The following STPG2 variants were observed in gnomAD, a reference collection of about 807,000 sequenced individuals.
The protein encoded by STPG2 is sperm-tail PG-rich repeat-containing protein 2.
Under a neutral mutation model 54.2 loss-of-function variants are expected in STPG2, and 56 were observed. That is an observed-to-expected ratio of 1.03 (90% confidence interval 0.83 to 1.29). The LOEUF (loss-of-function observed/expected upper bound fraction) is 1.29. STPG2 is among the 50% of genes most tolerant of loss of function. The probability of loss-of-function intolerance (pLI) is 0.00; values close to 1 mark genes in which losing one functional copy is unlikely to be tolerated. For synonymous variants in STPG2, 200 were observed against 181.8 expected (o/e 1.10, Z -0.81); for missense variants, 596 against 544.9 (o/e 1.09, Z -0.93).
At chr4:97,953,146 C>T (rs951712456) in intron 7 of STPG2, among the ~76,000 whole-genome samples, 2 of 152,154 alleles carry the variant, frequency 1.3e-5, no homozygotes, top group African/African-American at 4.8e-5. Flanking sequence ...TCTGACTCTA[C>T]CCATGCAGGG....
intron 5 of STPG2, among the ~76,000 whole-genome samples, chr4:98,043,972 GTTC>G (rs2149309061): frequency 6.6e-6 from 1 of 151,918 alleles, no homozygotes; most frequent in African/African-American, 2.4e-5. Flanking sequence ...CCTTCTTTGT[GTTC>G]ATGAGTTCTC....
chr4:97,874,422 A>G (rs1730103115), intron 8 of STPG2, among the ~76,000 whole-genome samples: 2 of 151,734 alleles, frequency 1.3e-5, no homozygotes, highest in Admixed American at 6.6e-5. Flanking sequence ...AAGTTTTGAC[A>G]TATGTCACAT....
chr4:97,945,197 C>T (rs1026141096), intron 7 of STPG2, among the ~76,000 whole-genome samples: 1 of 151,858 alleles, frequency 6.6e-6, no homozygotes, highest in Non-Finnish European at 1.5e-5. Context: ...GTTTTTTATC[C>T]CCCTATTCTC....
At chr4:97,854,160 C>A (rs1271941805) in intron 8 of STPG2, among the ~76,000 whole-genome samples, 1 of 152,172 alleles carries the variant, frequency 6.6e-6, no homozygotes, top group African/African-American at 2.4e-5. Context: ...ATCAGCCTAA[C>A]AACAAACATT....
intron 4 of STPG2, among the ~76,000 whole-genome samples, chr4:97,485,512 C>T (rs941419851): frequency 1.5e-4 from 22 of 151,664 alleles, no homozygotes; most frequent in African/African-American, 5.1e-4. Flanking sequence ...AGGCAAAAGA[C>T]CTCTACAATG....
At chr4:97,607,928 G>T (rs1163566115) in intron 10 of STPG2, among the ~76,000 whole-genome samples, 1 of 152,014 alleles carries the variant, frequency 6.6e-6, no homozygotes, top group Non-Finnish European at 1.5e-5. Flanking sequence ...TTATACACCT[G>T]TCAGCCCAGA....
intron 4 of STPG2, among the ~76,000 whole-genome samples, chr4:97,542,476 G>C (rs1731736662): frequency 6.6e-6 from 1 of 152,178 alleles, no homozygotes; most frequent in African/African-American, 2.4e-5. Context: ...AACAACAGGT[G>C]CTGGAGAGGA....
At chr4:97,807,842 A>G (rs1363364073) in intron 9 of STPG2, among the ~76,000 whole-genome samples, 1 of 152,048 alleles carries the variant, frequency 6.6e-6, no homozygotes, top group Non-Finnish European at 1.5e-5. Flanking sequence ...ATAGCTAGGT[A>G]CATCATAGTA....
At chr4:97,469,262 ATACAT>A (rs1729866656) in intron 4 of STPG2, among the ~76,000 whole-genome samples, 1 of 152,152 alleles carries the variant, frequency 6.6e-6, no homozygotes. Flanking sequence ...ATGCATGTTA[ATACAT>A]TAAAGAACTG....
At chr4:97,880,692 A>T (rs1021877800) in intron 8 of STPG2, among the ~76,000 whole-genome samples, 1 of 152,086 alleles carries the variant, frequency 6.6e-6, no homozygotes, top group African/African-American at 2.4e-5. Flanking sequence ...CAAATTACCC[A>T]CTTCAGCTAA....
intron 4 of STPG2, among the ~76,000 whole-genome samples, chr4:98,108,730 G>C (rs1739257702): frequency 6.6e-6 from 1 of 152,082 alleles, no homozygotes; most frequent in Non-Finnish European, 1.5e-5. Flanking sequence ...TCTTGAACAT[G>C]TTATTTATCC....
intron 9 of STPG2, among the ~76,000 whole-genome samples, chr4:97,734,923 A>T (rs1373180131): frequency 6.6e-6 from 1 of 152,080 alleles, no homozygotes; most frequent in Non-Finnish European, 1.5e-5. Flanking sequence ...ATACAAAAAA[A>T]TTAGCTGGGC....
At chr4:97,629,146 T>G (rs1263136003) in intron 10 of STPG2, among the ~76,000 whole-genome samples, 2 of 151,990 alleles carry the variant, frequency 1.3e-5, no homozygotes, top group African/African-American at 2.4e-5. Context: ...GGAGACAGAA[T>G]TTTCCAATAA....
intron 5 of STPG2, among the ~76,000 whole-genome samples, chr4:97,984,885 G>A (rs1734784076): frequency 6.6e-6 from 1 of 152,126 alleles, no homozygotes; most frequent in Non-Finnish European, 1.5e-5. Context: ...ATTGGGTCTT[G>A]CAAGCCAGTA....
At chr4:97,487,920 T>C (rs1730407534) in intron 4 of STPG2, among the ~76,000 whole-genome samples, 1 of 151,516 alleles carries the variant, frequency 6.6e-6, no homozygotes, top group African/African-American at 2.4e-5. Flanking sequence ...TTTAATTATA[T>C]AATATTTCAA....
chr4:97,760,850 C>A (rs1291176067), intron 9 of STPG2, among the ~76,000 whole-genome samples: 1 of 152,128 alleles, frequency 6.6e-6, no homozygotes, highest in African/African-American at 2.4e-5. Context: ...TGGATGACTG[C>A]AAGGCTGCAT....
intron 4 of STPG2, among the ~76,000 whole-genome samples, chr4:97,494,903 ATACT>A (rs1447445315): frequency 7.9e-5 from 12 of 151,702 alleles, no homozygotes; most frequent in African/African-American, 2.4e-4. Flanking sequence ...TATACGCCAC[ATACT>A]TACACTGTTT....
chr4:98,130,061 T>C (rs1049351777), intron 2 of STPG2, among the ~76,000 whole-genome samples: 8 of 152,094 alleles, frequency 5.3e-5, no homozygotes, highest in Non-Finnish European at 8.8e-5. Context: ...GGTTTCACCA[T>C]GTTGGCCAAG....
intron 9 of STPG2, among the ~76,000 whole-genome samples, chr4:97,809,247 A>G (rs948514881): frequency 1.3e-5 from 2 of 152,196 alleles, no homozygotes; most frequent in African/African-American, 4.8e-5. Context: ...ACACATTGTA[A>G]AAAGGAAGGA....
Sources: gnomAD v4.1 joint callset for allele counts (sites outside exome capture counted in the v4.1 genomes callset) on GRCh38, gnomAD v4.1.1 for gene constraint, MANE v1.5 for transcripts, NCBI Gene and HGNC (gene_info 2026-07-23, HGNC 2026-07-21) for gene names.